Variants in CACNG3 observed in about 807,000 individuals in gnomAD.
CACNG3 encodes voltage-dependent calcium channel gamma-3 subunit.
A neutral mutation model predicts 28.5 loss-of-function variants in CACNG3; 3 were observed. The observed-to-expected ratio is 0.11, with a 90% CI of 0.05 to 0.27. The LOEUF is 0.27. CACNG3 is among the 10% of genes least tolerant of loss of function. CACNG3 has a pLI of 1.00. For missense variants in CACNG3, 236 were observed against 414.4 expected (o/e 0.57, Z 3.74); for synonymous variants, 174 against 162.2 (o/e 1.07, Z -0.55).
intron 1 of CACNG3, among the ~76,000 whole-genome samples, chr16:24,295,968 G>A (rs937174319): frequency 3.3e-5 from 5 of 152,186 alleles, no homozygotes; most frequent in Non-Finnish European, 7.3e-5. Flanking sequence ...CAGCTAATAG[G>A]CAATAGACCA....
chr16:24,350,899 A>C (rs544000972), intron 2 of CACNG3, among the ~76,000 whole-genome samples: 5 of 152,318 alleles, frequency 3.3e-5, no homozygotes, highest in African/African-American at 1.2e-4. Flanking sequence ...CATAGGTCAT[A>C]TGTGTACATT....
At chr16:24,339,731 T>G (rs1899759107) in intron 1 of CACNG3, among the ~76,000 whole-genome samples, 1 of 152,200 alleles carries the variant, frequency 6.6e-6, no homozygotes, top group East Asian at 1.9e-4. Flanking sequence ...CTGGAAAAAT[T>G]GTAATTTTAC....
intron 1 of CACNG3, among the ~76,000 whole-genome samples, chr16:24,278,562 G>A (rs1898781368): frequency 6.6e-6 from 1 of 152,134 alleles, no homozygotes; most frequent in Non-Finnish European, 1.5e-5. Flanking sequence ...GTTGCAGTGA[G>A]CCGAGATTGC....
chr16:24,309,816 A>G (rs138001116), intron 1 of CACNG3, among the ~76,000 whole-genome samples: 1 of 152,208 alleles, frequency 6.6e-6, no homozygotes, highest in South Asian at 2.1e-4. Context: ...GGCGTGGCGC[A>G]TGCTAAGGCC....
chr16:24,282,112 G>A (rs1296484228), intron 1 of CACNG3, among the ~76,000 whole-genome samples: 2 of 152,160 alleles, frequency 1.3e-5, no homozygotes, highest in East Asian at 1.9e-4. Flanking sequence ...TTTCAAACAT[G>A]ACTTTATTTT....
At chr16:24,264,905 C>T (rs1408958539) in intron 1 of CACNG3, among the ~76,000 whole-genome samples, 1 of 152,128 alleles carries the variant, frequency 6.6e-6, no homozygotes. Context: ...CATCAATAAA[C>T]ATAAATAATG....
chr16:24,265,555 T>C (rs915567262), intron 1 of CACNG3, among the ~76,000 whole-genome samples: 1 of 152,106 alleles, frequency 6.6e-6, no homozygotes, highest in Non-Finnish European at 1.5e-5. Flanking sequence ...GTGGTGTATA[T>C]ATATATTATG....
At chr16:24,334,803 G>A (rs746069026) in intron 1 of CACNG3, among the ~76,000 whole-genome samples, 2 of 152,152 alleles carry the variant, frequency 1.3e-5, no homozygotes, top group African/African-American at 4.8e-5. Context: ...TTCCCTCCCG[G>A]GAGTGATGGT....
chr16:24,332,185 G>A (rs562864081), intron 1 of CACNG3, among the ~76,000 whole-genome samples: 3 of 152,304 alleles, frequency 2.0e-5, no homozygotes, highest in Admixed American at 6.5e-5. Context: ...ATCAGGGACC[G>A]GGTGCAATGG....
intron 1 of CACNG3, among the ~76,000 whole-genome samples, chr16:24,286,407 GACACACACACAC>G (rs34888406): frequency 1.5e-5 from 2 of 136,488 alleles, no homozygotes; most frequent in East Asian, 2.1e-4. Context: ...TTAAATGAAG[GACACACACACAC>G]ACACACACAC....
intron 1 of CACNG3, among the ~76,000 whole-genome samples, chr16:24,277,561 G>C (rs182672682): frequency 6.6e-6 from 1 of 152,124 alleles, no homozygotes; most frequent in Non-Finnish European, 1.5e-5. Context: ...GATCACTTGA[G>C]GTCAGGAGTT....
chr16:24,299,944 A>G (rs915796165), intron 1 of CACNG3, among the ~76,000 whole-genome samples: 3 of 152,066 alleles, frequency 2.0e-5, no homozygotes, highest in African/African-American at 4.8e-5. Context: ...ACACGCACAC[A>G]CACACACACA....
intron 1 of CACNG3, among the ~76,000 whole-genome samples, chr16:24,323,062 C>CA (rs886297384): frequency 5.3e-5 from 8 of 151,890 alleles, no homozygotes; most frequent in African/African-American, 1.7e-4. Context: ...CCTGTCTCTA[C>CA]AAAAAACTTT....
At chr16:24,348,807 C>A (rs1368885806) in intron 2 of CACNG3, among the ~76,000 whole-genome samples, 2 of 152,148 alleles carry the variant, frequency 1.3e-5, no homozygotes, top group Admixed American at 6.5e-5. Flanking sequence ...TTTTCTTTTT[C>A]ATGTTGATAA....
chr16:24,316,324 A>G (rs1899351604), intron 1 of CACNG3, among the ~76,000 whole-genome samples: 1 of 148,750 alleles, frequency 6.7e-6, no homozygotes, highest in Non-Finnish European at 1.5e-5. Flanking sequence ...ATCCCCTGAA[A>G]CATGCCCCCA....
At chr16:24,284,240 T>TTTAAATCTGAGTTGCGGTAACTTGC (rs1898865991) in intron 1 of CACNG3, among the ~76,000 whole-genome samples, 1 of 152,214 alleles carries the variant, frequency 6.6e-6, no homozygotes, top group African/African-American at 2.4e-5. Flanking sequence ...TTGTTAAGGT[T>TTTAAATCTGAGTTGCGGTAACTTGC]TTAAATCTGA....
intron 1 of CACNG3, among the ~76,000 whole-genome samples, chr16:24,279,217 C>T (rs189207289): frequency 1.8e-4 from 28 of 152,216 alleles, no homozygotes; most frequent in Admixed American, 1.2e-3. Context: ...AAAGATCTGA[C>T]GTAATCAGGT....
intron 1 of CACNG3, among the ~76,000 whole-genome samples, chr16:24,267,116 G>A (rs569146403): frequency 2.6e-5 from 4 of 151,752 alleles, no homozygotes; most frequent in African/African-American, 4.8e-5. Flanking sequence ...ACAGGAGCCC[G>A]CCACCACACC....
intron 1 of CACNG3, among the ~76,000 whole-genome samples, chr16:24,295,335 A>T (rs925634043): frequency 2.6e-5 from 4 of 152,286 alleles, no homozygotes; most frequent in East Asian, 1.9e-4. Flanking sequence ...CTACTGGGAC[A>T]GGGAAACCCC....
Sources: allele counts gnomAD v4.1 joint callset (sites outside exome capture counted in the v4.1 genomes callset), GRCh38; gene constraint gnomAD v4.1.1; transcripts MANE v1.5; gene names NCBI Gene and HGNC (gene_info 2026-07-23, HGNC 2026-07-21).